Variants in ENTHD1 observed in about 807,000 individuals in gnomAD.
ENTHD1 encodes ENTH domain-containing protein 1.
ENTHD1 carries 23 observed loss-of-function variants against 39.1 expected under a neutral mutation model. The observed-to-expected ratio is 0.59, with a 90% CI of 0.42 to 0.83. The LOEUF (loss-of-function observed/expected upper bound fraction) is 0.83, where lower values mean the gene tolerates loss of function less well. ENTHD1 is among the 40% of genes least tolerant of loss of function. The probability of loss-of-function intolerance (pLI) is 0.00; values close to 1 mark genes in which losing one functional copy is unlikely to be tolerated. For synonymous variants in ENTHD1, 230 were observed against 258.2 expected (o/e 0.89, Z 1.05); for missense variants, 624 against 705.4 (o/e 0.88, Z 1.31).
At position 39,862,000 on chromosome 22, in the gene ENTHD1, A is replaced by G. The variant is rs75296456; in HGVS notation, c.357T>C (p.Tyr119=). ...TGACTTGCTTAGATTTTTCCCGGAT[A>G]TAATAACCTGAAAAATACATTGACT... ...IDEAGKDQGY[Y]IREKSKQVIT... Residue 119 remains tyrosine, a synonymous_variant, in exon 3 of 7, where the codon TAT becomes TAC. Transcript: ENST00000325157. 1.1e-3 allele frequency: 1,638 copies of G among 1,476,040 alleles called. 17 individuals carry two copies. In the African/African-American group the frequency reaches 0.02, roughly 18 times the overall value. 91.4% of individuals were successfully genotyped at this position (1,476,040 alleles called of 1,614,324 possible).
rs140359727 is a variant in ENTHD1, at chr22:39,813,398, A to G, written c.832+7595T>C. ...AAAATATTAGCAAATCAAATCCAGTAATACATATCAAAGATAATATATCAC... is the reference window on the plus strand; with the variant it reads ...AAAATATTAGCAAATCAAATCCAGTGATACATATCAAAGATAATATATCAC... On this transcript the variant is annotated intron_variant, in intron 5 of 6. Transcript: ENST00000325157. 4.9e-3 allele frequency among the ~76,000 whole-genome samples: 739 copies of G among 152,348 alleles called. 5 individuals are homozygous for G. Among genetic ancestry groups the G allele is most frequent in the Non-Finnish European group, 8.3e-3 (562 of 68,028 alleles).
At chr22:39,873,463 A>C (rs571297872) in intron 2 of ENTHD1, among the ~76,000 whole-genome samples, 1 of 152,340 alleles carries the variant, frequency 6.6e-6, no homozygotes, top group East Asian at 1.9e-4. Flanking sequence ...TTTAAGACTC[A>C]ACTAGGAGAG....
chr22:39,856,236 T>C (rs1338840199), intron 3 of ENTHD1, among the ~76,000 whole-genome samples: 1 of 142,682 alleles, frequency 7.0e-6, no homozygotes, highest in African/African-American at 2.6e-5. Context: ...ATTGCACCAT[T>C]GCACTCCAGC....
intron 2 of ENTHD1, among the ~76,000 whole-genome samples, chr22:39,883,758 G>A (rs958307512): frequency 1.3e-5 from 2 of 151,376 alleles, no homozygotes; most frequent in African/African-American, 4.9e-5. Context: ...GGGAGGCTGA[G>A]GCAGGAGAAT....
Position 39,821,055 on chromosome 22 carries a change from G to C in ENTHD1, c.770C>G (p.Ser257Cys). The C allele has an allele frequency of 3.1e-6, 5 of 1,614,088 alleles. No individual in the cohort carries two copies. The highest frequency in any genetic ancestry group is 4.2e-6 in the Non-Finnish European group (5 of 1,179,970). Reference protein sequence around the residue: ...PELPLLATPPSIVSPITCLSE... With the variant: ...PELPLLATPPCIVSPITCLSE... ...CAAGCAAGTGATTGGAGAGACAATG[G>C]AAGGAGGTGTTGCTAGTAAAGGCAG... Residue 257 changes from serine (S) to cysteine (C), a missense_variant, in exon 5 of 7, where the codon TCC (serine) becomes TGC (cysteine). Physicochemically the swap from Ser to Cys is moderately radical, Grantham distance 112 (BLOSUM62 -1). Transcript: ENST00000325157.
At chr22:39,792,900 G>A (rs1246368213) in intron 5 of ENTHD1, among the ~76,000 whole-genome samples, 1 of 152,172 alleles carries the variant, frequency 6.6e-6, no homozygotes, top group East Asian at 1.9e-4. Context: ...ACACGGGGGT[G>A]CAGGTATCAT....
chr22:39,756,318 A>G (rs722172), intron 6 of ENTHD1, among the ~76,000 whole-genome samples: 1 of 122,228 alleles, frequency 8.2e-6, no homozygotes, highest in African/African-American at 3.3e-5. Flanking sequence ...TCTCTCTCTC[A>G]CACACACACA....
At chr22:39,789,348 A>G (rs1367022621) in intron 5 of ENTHD1, among the ~76,000 whole-genome samples, 1 of 151,996 alleles carries the variant, frequency 6.6e-6, no homozygotes, top group Non-Finnish European at 1.5e-5. Context: ...AAATTTCTCA[A>G]TTGAATTTTT....
chr22:39,843,413 G>A (rs1461639982), intron 3 of ENTHD1, among the ~76,000 whole-genome samples: 2 of 143,444 alleles, frequency 1.4e-5, no homozygotes, highest in Non-Finnish European at 3.0e-5. Context: ...TGAACAATGA[G>A]ATCACATGGA....
intron 2 of ENTHD1, among the ~76,000 whole-genome samples, chr22:39,879,274 A>T (rs1159739118): frequency 6.6e-6 from 1 of 151,604 alleles, no homozygotes; most frequent in Non-Finnish European, 1.5e-5. Context: ...CATCCTGGCT[A>T]ACATGGTGAA....
chr22:39,835,592 A>C (rs2065902393), intron 4 of ENTHD1, among the ~76,000 whole-genome samples: 1 of 152,198 alleles, frequency 6.6e-6, no homozygotes, highest in Admixed American at 6.5e-5. Flanking sequence ...AAGCAAAGTT[A>C]AAAGACAAGC....
At chr22:39,799,798 C>A in intron 5 of ENTHD1, among the ~76,000 whole-genome samples, 1 of 152,316 alleles carries the variant, frequency 6.6e-6, no homozygotes, top group African/African-American at 2.4e-5. Flanking sequence ...GGGCAGCATT[C>A]GGTTGTCTCC....
At chr22:39,826,224 A>C (rs560030036) in intron 4 of ENTHD1, among the ~76,000 whole-genome samples, 92 of 152,278 alleles carry the variant, frequency 6.0e-4, no homozygotes, top group African/African-American at 2.2e-3. Flanking sequence ...TTAGAGCTGA[A>C]GCAATTGTAG....
intron 5 of ENTHD1, among the ~76,000 whole-genome samples, chr22:39,809,432 A>G (rs536583760): frequency 6.6e-6 from 1 of 152,322 alleles, no homozygotes. Context: ...TTTGAATAAA[A>G]TGTCCAGGAA....
rs186357973 is a variant in ENTHD1, at chr22:39,800,894, A to G, written c.832+20099T>C. On this transcript the variant is annotated intron_variant, in intron 5 of 6. Coordinates refer to ENST00000325157, the MANE Select transcript of ENTHD1 (RefSeq NM_152512.4). The stretch of plus-strand genomic sequence containing the variant: ...ACTGCTGAAAATGTAAGGAGTCAGT[A>G]GTATAGTTTTTACCCTGGCGACAAT... Among the ~76,000 whole-genome samples, 13 of 152,328 alleles carry G rather than the reference A, an allele frequency of 8.5e-5. No individual in the cohort carries two copies. In the East Asian group the frequency reaches 2.5e-3, roughly 29 times the overall value.
At chr22:39,865,589 C>A (rs922975321) in intron 2 of ENTHD1, among the ~76,000 whole-genome samples, 1 of 152,064 alleles carries the variant, frequency 6.6e-6, no homozygotes, top group Non-Finnish European at 1.5e-5. Flanking sequence ...ACTTAGGCAG[C>A]AAAATTAAGA....
intron 5 of ENTHD1, among the ~76,000 whole-genome samples, chr22:39,784,103 C>T (rs2065434633): frequency 6.6e-6 from 1 of 151,868 alleles, no homozygotes; most frequent in Admixed American, 6.6e-5. Context: ...AAACATTTCT[C>T]AAAAGAAGAC....
intron 5 of ENTHD1, among the ~76,000 whole-genome samples, chr22:39,770,090 ATGTGTATGATGCTGAG>A (rs1273381697): frequency 6.6e-5 from 10 of 152,118 alleles, no homozygotes; most frequent in Non-Finnish European, 1.3e-4. Flanking sequence ...TATGTGTAGA[ATGTGTATGATGCTGAG>A]TAGGCAATGG....
chr22:39,778,399 A>G (rs530027064), intron 5 of ENTHD1, among the ~76,000 whole-genome samples: 1 of 152,338 alleles, frequency 6.6e-6, no homozygotes, highest in Non-Finnish European at 1.5e-5. Flanking sequence ...ATGAAGAACT[A>G]TAACTCTCAG....
Sources: allele counts gnomAD v4.1 joint callset (sites outside exome capture counted in the v4.1 genomes callset), GRCh38; gene constraint gnomAD v4.1.1; transcripts MANE v1.5; gene names NCBI Gene and HGNC (gene_info 2026-07-23, HGNC 2026-07-21).